EDRF1: variants seen among roughly 807,000 people sequenced by gnomAD.
EDRF1 encodes the protein erythroid differentiation regulatory factor 1, also known as erythroid differentiation-related factor 1.
Under a neutral mutation model 148.7 loss-of-function variants are expected in EDRF1, and 69 were observed. The ratio of observed to expected loss-of-function variants is 0.46; its 90% CI spans 0.38 to 0.57. EDRF1 has a LOEUF of 0.57. Ranked by LOEUF, EDRF1 falls within the 20% of genes least tolerant of loss-of-function variation. The pLI, the probability that EDRF1 is intolerant of heterozygous loss-of-function variation, is 0.00. For missense variants in EDRF1, 1,118 were observed against 1,478.7 expected (o/e 0.76, Z 4.00); for synonymous variants, 515 against 532.8 (o/e 0.97, Z 0.46).
At position 125,741,170 on chromosome 10, in the gene EDRF1, G is replaced by C; in HGVS notation, c.2340G>C (p.Leu780=). The C allele has an allele frequency of 6.2e-7, 1 of 1,614,226 alleles. No individual in the cohort carries two copies. The highest frequency in any genetic ancestry group is 1.1e-5 in the South Asian group (1 of 91,086). The change falls in exon 17 of 25, where the codon CTG becomes CTC. Residue 780 remains leucine (L), a synonymous_variant. Transcript: ENST00000356792. ...AAACAAAAGAAGACCAGGAGATCCT[G>C]CATAGCCTTCACAGAGAGTCCAGTT... ...HYQTKEDQEI[L]HSLHRESSCQ... is the part of the protein sequence containing the mutation.
intron 18 of EDRF1, among the ~76,000 whole-genome samples, chr10:125,744,310 C>T (rs1460367974): frequency 1.3e-5 from 2 of 151,866 alleles, no homozygotes; most frequent in Non-Finnish European, 2.9e-5. Flanking sequence ...CCTCGAACTC[C>T]TGGGCTCAAG....
At chr10:125,732,443 T>C (rs1370766948) in intron 9 of EDRF1, among the ~76,000 whole-genome samples, 1 of 152,184 alleles carries the variant, frequency 6.6e-6, no homozygotes, top group African/African-American at 2.4e-5. Flanking sequence ...GTGAGCATTT[T>C]GAAGTTGCAG....
chr10:125,722,300 C>A (rs1330946965), intron 2 of EDRF1, among the ~76,000 whole-genome samples: 8 of 152,292 alleles, frequency 5.3e-5, no homozygotes, highest in African/African-American at 1.9e-4. Flanking sequence ...ATGCTTATCT[C>A]ATTTAATTCT....
chr10:125,724,553 C>T (rs1848161799), intron 4 of EDRF1, among the ~76,000 whole-genome samples: 2 of 152,170 alleles, frequency 1.3e-5, no homozygotes, highest in African/African-American at 2.4e-5. Context: ...TAACACTCTG[C>T]GATGTTCACA....
rs1406437463 is a variant in EDRF1 at position 125,740,458 on chromosome 10, C to T, written c.1982-5C>T. 2 of 1,613,688 alleles carry T rather than the reference C, an allele frequency of 1.2e-6. No individual in the cohort carries two copies. The highest frequency in any genetic ancestry group is 1.1e-5 in the South Asian group (1 of 91,038). On this transcript the variant is annotated splice_region_variant and splice_polypyrimidine_tract_variant and intron_variant, in intron 15 of 24. Transcript: ENST00000356792. ...GCTGTCTTTTTTTTTCTCTCCATGTCACAGTGGGCTCCCTTCAGAAGGGCA... is the reference window on the plus strand; with the variant it reads ...GCTGTCTTTTTTTTTCTCTCCATGTTACAGTGGGCTCCCTTCAGAAGGGCA...
Position 125,721,318 on chromosome 10 carries a change from C to T in EDRF1, c.223C>T (p.Leu75Phe). 1 of 1,614,228 alleles carries T rather than the reference C, an allele frequency of 6.2e-7. No individual in the cohort carries two copies. ...CCTTGAAGAGAAAACAGACTTGAAACTCCCACCTGCCAACTGGTTACGAGA... is the reference window on the plus strand; with the variant it reads ...CCTTGAAGAGAAAACAGACTTGAAATTCCCACCTGCCAACTGGTTACGAGA... ...ARLEEKTDLK[L>F]PPANWLRESA... Residue 75 changes from leucine to phenylalanine, a missense_variant, in exon 2 of 25, where the codon CTC becomes TTC. Leu to Phe is a conservative substitution (Grantham distance 22). Transcript: ENST00000356792.
chr10:125,724,736 A>G (rs997889122), intron 4 of EDRF1, among the ~76,000 whole-genome samples: 1 of 152,238 alleles, frequency 6.6e-6, no homozygotes, highest in Non-Finnish European at 1.5e-5. Flanking sequence ...GAAAAACATA[A>G]TAACATTGTT....
chr10:125,748,590 TC>T (rs34148291), intron 21 of EDRF1: 5 of 160,214 alleles, frequency 3.1e-5, no homozygotes, highest in South Asian at 1.7e-4. Flanking sequence ...TTGTTGATTT[TC>T]CCCCCCCGTA....
Position 125,753,735 on chromosome 10 carries a change from T to G in EDRF1, c.3435T>G (p.Pro1145=). 2 of 1,614,200 alleles carry G rather than the reference T, an allele frequency of 1.2e-6. No individual in the cohort carries two copies. Among genetic ancestry groups the G allele is most frequent in the Non-Finnish European group, 1.7e-6 (2 of 1,180,036 alleles). The change falls in exon 24 of 25, where the codon CCT becomes CCG. Residue 1145 remains proline (P), a synonymous_variant. Transcript: ENST00000356792. Reference sequence around the variant, plus strand: ...CCGCTGCAGCTGCTGATGCTTCTCCTAGTCTCAATCGAGAAGAAGTGATGA... The same window carrying G: ...CCGCTGCAGCTGCTGATGCTTCTCCGAGTCTCAATCGAGAAGAAGTGATGA... The part of the protein sequence containing the change: ...GDAAAAADAS[P]SLNREEVMKL...
chr10:125,722,989 C>A, intron 2 of EDRF1, 79 bp from the exon 3 acceptor site: 1 of 1,111,634 alleles, frequency 9.0e-7, no homozygotes, highest in Non-Finnish European at 1.4e-6. Flanking sequence ...AAGCAATGAG[C>A]TACAGTATTG....
chr10:125,721,448 C>G, intron 2 of EDRF1, 36 bp downstream of exon 2: 1 of 1,578,024 alleles, frequency 6.3e-7, no homozygotes, highest in South Asian at 1.1e-5. Context: ...ACCTGCCCCT[C>G]CACCCTCACT....
chr10:125,747,826 A>G lies in EDRF1; in HGVS notation c.2974-37A>G, dbSNP rs755106490. The G allele has an allele frequency of 2.5e-5, 40 of 1,613,616 alleles. No individual in the cohort carries two copies. In the Admixed American group the frequency reaches 6.5e-4, roughly 26 times the overall value. On this transcript the variant is annotated intron_variant, in intron 20 of 24. Transcript: ENST00000356792. Reference sequence around the variant, plus strand: ...TTAAAAACTCCTACAGTCAGATTAGAAGCTTATTTTTTTCTTCCCCCTCAA... The same window carrying G: ...TTAAAAACTCCTACAGTCAGATTAGGAGCTTATTTTTTTCTTCCCCCTCAA...
chr10:125,720,684 G>T (rs1483054411), intron 1 of EDRF1, among the ~76,000 whole-genome samples: 1 of 151,886 alleles, frequency 6.6e-6, no homozygotes, highest in African/African-American at 2.4e-5. Flanking sequence ...GGTAGTGCAC[G>T]CCTGTAATTC....
intron 17 of EDRF1, 74 bp from the exon 18 acceptor site, chr10:125,742,984 T>A: frequency 6.4e-7 from 1 of 1,573,356 alleles, no homozygotes; most frequent in Non-Finnish European, 8.6e-7. Context: ...GAATTTAGAA[T>A]CTCAGGTTCA....
chr10:125,742,517 C>T (rs1849081937), intron 17 of EDRF1: 1 of 985,344 alleles, frequency 1.0e-6, no homozygotes, highest in Non-Finnish European at 1.2e-6. Context: ...CTTCCCCTCT[C>T]TCCGTCTTTC....
At chr10:125,733,196 A>C (rs1220646747) in intron 9 of EDRF1, among the ~76,000 whole-genome samples, 1 of 152,194 alleles carries the variant, frequency 6.6e-6, no homozygotes, top group African/African-American at 2.4e-5. Context: ...AAATTACTCC[A>C]ATAGTGAACT....
At chr10:125,729,789 T>C (rs771712075) in intron 8 of EDRF1, among the ~76,000 whole-genome samples, 26 of 152,234 alleles carry the variant, frequency 1.7e-4, no homozygotes, top group Admixed American at 5.2e-4. Context: ...CCTCATTGAA[T>C]AGAGCCAGAG....
rs202212007 is a variant in EDRF1, at chr10:125,747,536, G to T, written c.2815G>T (p.Ala939Ser). 427 of 1,613,934 alleles carry T rather than the reference G, an allele frequency of 2.6e-4. No homozygotes were observed. Among genetic ancestry groups the T allele is most frequent in the Admixed American group, 4.3e-4 (26 of 59,996 alleles). The change falls in exon 20 of 25, where the codon GCT (alanine) becomes TCT (serine). Residue 939 changes from alanine (A) to serine (S), a missense_variant and splice_region_variant. Coordinates refer to ENST00000356792, the MANE Select transcript of EDRF1 (RefSeq NM_001202438.2). ...ATGTACACTGTTTTCTCCTTTGCAG[G>T]CTATTGATTACTATTTGAAAGCGCT... ...SPEEGLYYNK[A>S]IDYYLKALRS...
At chr10:125,721,162 C>T (rs1174154614) in intron 1 of EDRF1, 42 bp from the exon 2 acceptor site, 1 of 1,596,184 alleles carries the variant, frequency 6.3e-7, no homozygotes, top group Non-Finnish European at 8.6e-7. Context: ...ATTTTTCGTT[C>T]TTAGTAATTT....
Sources: gnomAD v4.1 joint callset for allele counts (sites outside exome capture counted in the v4.1 genomes callset) on GRCh38, gnomAD v4.1.1 for gene constraint, MANE v1.5 for transcripts, NCBI Gene and HGNC (gene_info 2026-07-23, HGNC 2026-07-21) for gene names.